The following SEC24B variants were observed in gnomAD, a reference collection of about 807,000 sequenced individuals.
SEC24B encodes the protein protein transport protein Sec24B.
Under a neutral mutation model 142.8 loss-of-function variants are expected in SEC24B, and 45 were observed. The ratio of observed to expected loss-of-function variants is 0.32; its 90% CI spans 0.25 to 0.40. SEC24B has a LOEUF of 0.40. Among genes scored for constraint, SEC24B ranks in the 10% least tolerant of loss-of-function variants. The pLI is 1.00. For synonymous variants in SEC24B, 574 were observed against 568.2 expected (o/e 1.01, Z -0.15); for missense variants, 1,409 against 1,526.8 (o/e 0.92, Z 1.29).
intron 18 of SEC24B, among the ~76,000 whole-genome samples, chr4:109,529,117 C>A (rs181926035): frequency 2.0e-3 from 306 of 149,708 alleles, no homozygotes; most frequent in African/African-American, 7.1e-3. Context: ...GAGCCAAGAT[C>A]GCACCACTGC....
rs10020652 is a variant in SEC24B, at chr4:109,494,594, C to A, written c.1247-21C>A. 0.023 allele frequency: 37,853 copies of A among 1,612,826 alleles called. 6,842 individuals carry two copies. The African/African-American group carries it at 0.41, about 18-fold the overall frequency. ...GAGTCTTGATTTTCAGTTGTTAACACCATGTGTTTCCATTTTTTAGATATG... is the reference window on the plus strand; with the variant it reads ...GAGTCTTGATTTTCAGTTGTTAACAACATGTGTTTCCATTTTTTAGATATG... On this transcript the variant is annotated intron_variant, in intron 5 of 23. Transcript: ENST00000265175.
At chr4:109,522,178 G>A (rs556878417) in intron 14 of SEC24B, among the ~76,000 whole-genome samples, 1 of 151,872 alleles carries the variant, frequency 6.6e-6, no homozygotes, top group Admixed American at 6.6e-5. Context: ...AGCCTCCCTA[G>A]TAGCTGGGAC....
Position 109,540,412 on chromosome 4 carries a change from A to G in SEC24B, c.*737A>G, listed in dbSNP as rs1362984845. ...TAATTCTGTTAAATCTTTTATGTAGATTTATTTATGATCAGCCTACTAATT... is the reference window on the plus strand; with the variant it reads ...TAATTCTGTTAAATCTTTTATGTAGGTTTATTTATGATCAGCCTACTAATT... On this transcript the variant is annotated 3_prime_UTR_variant, in exon 24 of 24. Transcript: ENST00000265175. 2.0e-5 allele frequency: 3 copies of G among 152,524 alleles called. No homozygotes were observed. Among genetic ancestry groups the G allele is most frequent in the Non-Finnish European group, 4.4e-5 (3 of 68,030 alleles). The allele number at this position is 152,524 out of a possible 1,614,324, so 9.4% of individuals were successfully genotyped here. A position where few individuals can be genotyped will look rare whatever the true frequency, so the allele number is the denominator to read the frequency against.
intron 6 of SEC24B, among the ~76,000 whole-genome samples, chr4:109,497,007 A>G (rs1003937575): frequency 1.3e-5 from 2 of 152,396 alleles, no homozygotes; most frequent in East Asian, 3.9e-4. Flanking sequence ...ATGGTCTTAC[A>G]TAATAACTTA....
chr4:109,521,194 A>C lies in SEC24B; in HGVS notation c.2301+22A>C, dbSNP rs774644465. On this transcript the variant is annotated intron_variant, in intron 13 of 23. Coordinates refer to ENST00000265175, the MANE Select transcript of SEC24B (RefSeq NM_006323.5). The stretch of plus-strand genomic sequence containing the variant: ...AGAGGTAAGATTGATTTATTTTCTT[A>C]AAGCATAAAAATATTTATATTGTGA... 2.9e-6 allele frequency: 4 copies of C among 1,385,502 alleles called. No individual in the cohort carries two copies. The Admixed American group carries it at 7.6e-5, about 26-fold the overall frequency. The allele number at this position is 1,385,502 out of a possible 1,614,324, so 85.8% of individuals were successfully genotyped here.
intron 6 of SEC24B, among the ~76,000 whole-genome samples, chr4:109,495,234 A>C (rs1319680861): frequency 6.6e-6 from 1 of 152,228 alleles, no homozygotes; most frequent in Non-Finnish European, 1.5e-5. Context: ...TCCTTAGAAA[A>C]TGACAGGTAA....
intron 1 of SEC24B, among the ~76,000 whole-genome samples, chr4:109,440,434 T>C (rs983817249): frequency 1.3e-5 from 2 of 152,226 alleles, no homozygotes. Context: ...TCAGCATTGT[T>C]AGAAAAGATC....
chr4:109,512,466 T>G (rs1737446352), intron 9 of SEC24B, among the ~76,000 whole-genome samples: 1 of 152,202 alleles, frequency 6.6e-6, no homozygotes, highest in Admixed American at 6.5e-5. Context: ...CTGTCTCTTG[T>G]TCCCTTTATT....
At chr4:109,456,338 T>TTTG (rs1730678657) in intron 1 of SEC24B, among the ~76,000 whole-genome samples, 1 of 149,372 alleles carries the variant, frequency 6.7e-6, no homozygotes, top group African/African-American at 2.4e-5. Context: ...TTTTTTGTTT[T>TTTG]TTTTTTTTTT....
intron 3 of SEC24B, among the ~76,000 whole-genome samples, chr4:109,475,067 C>T (rs77784076): frequency 0.013 from 2,046 of 152,282 alleles, 28 homozygotes; most frequent in Middle Eastern, 0.068. Context: ...ATCTCTCTAT[C>T]TTGTATTCTT....
intron 2 of SEC24B, among the ~76,000 whole-genome samples, chr4:109,466,441 C>T (rs1032033679): frequency 2.0e-4 from 31 of 152,188 alleles, no homozygotes; most frequent in African/African-American, 6.3e-4. Context: ...GATGGAGTCT[C>T]GCTCTGTCAC....
chr4:109,520,933 A>T (rs974776940), intron 12 of SEC24B, among the ~76,000 whole-genome samples, 184 bp from the exon 13 acceptor site: 12 of 152,222 alleles, frequency 7.9e-5, no homozygotes, highest in African/African-American at 2.9e-4. Context: ...TGGAGGTTGC[A>T]GTGAGCCGAG....
chr4:109,538,196 C>T (rs187330583), intron 22 of SEC24B, among the ~76,000 whole-genome samples: 12 of 152,198 alleles, frequency 7.9e-5, no homozygotes, highest in African/African-American at 2.9e-4. Context: ...AACATAAAGC[C>T]GCCACACAAT....
intron 3 of SEC24B, among the ~76,000 whole-genome samples, chr4:109,475,276 T>C (rs1298677955): frequency 6.6e-6 from 1 of 152,224 alleles, no homozygotes; most frequent in Non-Finnish European, 1.5e-5. Flanking sequence ...ATCTGAGCTA[T>C]ACAACCTAAT....
chr4:109,533,061 A>G (rs1725102918), intron 21 of SEC24B, among the ~76,000 whole-genome samples: 1 of 152,230 alleles, frequency 6.6e-6, no homozygotes, highest in African/African-American at 2.4e-5. Context: ...TAGGGACTTT[A>G]CCATCTAGAG....
chr4:109,525,327 T>A lies in SEC24B; in HGVS notation c.2633-19T>A, dbSNP rs1452925635. 5 of 1,556,664 alleles carry A rather than the reference T, an allele frequency of 3.2e-6. No homozygotes were observed. Among genetic ancestry groups the A allele is most frequent in the Non-Finnish European group, 4.3e-6 (5 of 1,153,440 alleles). On this transcript the variant is annotated intron_variant, in intron 15 of 23. Transcript: ENST00000265175. Reference sequence around the variant, plus strand: ...ATTATTATTTCTATAGCTAATACTTTTTGTATTTCTCTCTAAAGCTTGCAT... The same window carrying A: ...ATTATTATTTCTATAGCTAATACTTATTGTATTTCTCTCTAAAGCTTGCAT...
intron 1 of SEC24B, among the ~76,000 whole-genome samples, chr4:109,438,269 A>G (rs1251444867): frequency 6.6e-6 from 1 of 152,162 alleles, no homozygotes; most frequent in Admixed American, 6.5e-5. Context: ...ATTTTTGCTA[A>G]TTCCAACTCT....
intron 4 of SEC24B, among the ~76,000 whole-genome samples, chr4:109,483,607 TCTC>T (rs1366519699): frequency 1.3e-5 from 2 of 152,186 alleles, no homozygotes; most frequent in African/African-American, 4.8e-5. Flanking sequence ...TGACCACAAT[TCTC>T]CTGTTCTAAA....
chr4:109,473,129 CA>C lies in SEC24B; in HGVS notation c.1004del (p.His335ProfsTer6). The C allele has an allele frequency of 2.5e-6, 4 of 1,598,874 alleles. No homozygotes were observed. Among genetic ancestry groups the C allele is most frequent in the Non-Finnish European group, 3.4e-6 (4 of 1,172,802 alleles). ...AACAAGAACACCTCCCACTGCAAAT[CA>C]CCCAGTTGAGCCTGTGACCTCAGTT... ...SSTRTPPTAN[H>X]PVEPVTSVTQ... On this transcript the variant is annotated frameshift_variant, in exon 3 of 24. Transcript: ENST00000265175. LOFTEE classifies it high-confidence loss of function.
Sources: gnomAD v4.1 joint callset for allele counts (sites outside exome capture counted in the v4.1 genomes callset) on GRCh38, gnomAD v4.1.1 for gene constraint, MANE v1.5 for transcripts, NCBI Gene and HGNC (gene_info 2026-07-23, HGNC 2026-07-21) for gene names.